Variants in TMCO5A observed in about 807,000 individuals in gnomAD.
The protein encoded by TMCO5A is transmembrane and coiled-coil domain-containing protein 5A.
A neutral mutation model predicts 42.3 loss-of-function variants in TMCO5A; 34 were observed. That is an observed-to-expected ratio of 0.80 (90% CI 0.61 to 1.07). TMCO5A has a LOEUF of 1.07. Among genes scored for constraint, TMCO5A ranks in the 50% least tolerant of loss-of-function variants. TMCO5A has a pLI of 0.00. For synonymous variants in TMCO5A, 131 were observed against 115.6 expected (o/e 1.13, Z -0.86); for missense variants, 357 against 327.9 (o/e 1.09, Z -0.69).
chr15:38,007,872 C>CTTTTTTTTTTTTTTTTTTT, the TMCO5A span, among the ~76,000 whole-genome samples: 2 of 47,406 alleles, frequency 4.2e-5, no homozygotes, highest in African/African-American at 1.6e-4. Context: ...CTCACCCACA[C>CTTTTTTTTTTTTTTTTTTT]TTTTTTTTTT....
chr15:37,999,431 A>G, the TMCO5A span, among the ~76,000 whole-genome samples: 1 of 152,164 alleles, frequency 6.6e-6, no homozygotes, highest in Non-Finnish European at 1.5e-5. Flanking sequence ...ATCTTTTGGC[A>G]GATTTTTTAG....
intron 5 of TMCO5A, 123 bp from the exon 6 acceptor site, chr15:37,938,035 T>C: frequency 1.3e-6 from 1 of 794,242 alleles, no homozygotes; most frequent in South Asian, 1.6e-5. Flanking sequence ...TCACCAAATA[T>C]CTACCAAAGG....
chr15:37,945,333 T>C (rs1889908828), intron 10 of TMCO5A, among the ~76,000 whole-genome samples: 1 of 152,032 alleles, frequency 6.6e-6, no homozygotes, highest in South Asian at 2.1e-4. Flanking sequence ...GCTGCAATGA[T>C]ATTTGTGTGC....
chr15:37,960,088 G>C (rs962174099), intron 11 of TMCO5A, among the ~76,000 whole-genome samples: 4 of 151,884 alleles, frequency 2.6e-5, no homozygotes, highest in Non-Finnish European at 5.9e-5. Context: ...TGATTTGTGA[G>C]ATTCTGGTGC....
chr15:37,949,797 C>T (rs774620681), intron 11 of TMCO5A, among the ~76,000 whole-genome samples: 56 of 152,062 alleles, frequency 3.7e-4, no homozygotes, highest in Non-Finnish European at 6.2e-4. Context: ...CTTCAAAGAA[C>T]AAACATTTAT....
At chr15:38,016,536 C>T in the TMCO5A span, among the ~76,000 whole-genome samples, 9 of 152,148 alleles carry the variant, frequency 5.9e-5, no homozygotes, top group African/African-American at 2.2e-4. Flanking sequence ...GGAGTTCAAT[C>T]TCTGCTCAAA....
chr15:38,000,094 G>GT, the TMCO5A span, among the ~76,000 whole-genome samples: 1 of 152,040 alleles, frequency 6.6e-6, no homozygotes, highest in African/African-American at 2.4e-5. Flanking sequence ...AGTAGAATTG[G>GT]TTTTAGATCA....
chr15:38,005,470 A>G, the TMCO5A span, among the ~76,000 whole-genome samples: 1 of 150,272 alleles, frequency 6.7e-6, no homozygotes, highest in Non-Finnish European at 1.5e-5. Context: ...TAAGAGGCTG[A>G]GACAGGTGTC....
chr15:37,971,495 T>A (rs114609822), downstream of TMCO5A, among the ~76,000 whole-genome samples: 7 of 152,202 alleles, frequency 4.6e-5, no homozygotes, highest in Non-Finnish European at 1.0e-4. Flanking sequence ...GTCTTGGGAA[T>A]TAAGTAATTC....
At chr15:37,935,041 C>A (rs1428850779) in intron 1 of TMCO5A, among the ~76,000 whole-genome samples, 1 of 152,124 alleles carries the variant, frequency 6.6e-6, no homozygotes, top group Non-Finnish European at 1.5e-5. Context: ...CCAGCATTAT[C>A]TCTGTATCCT....
intron 11 of TMCO5A, among the ~76,000 whole-genome samples, chr15:37,960,259 C>T (rs923089390): frequency 3.9e-5 from 6 of 152,088 alleles, no homozygotes; most frequent in African/African-American, 1.4e-4. Flanking sequence ...GCTTAGCTCC[C>T]ACATATCAGT....
the TMCO5A span, among the ~76,000 whole-genome samples, chr15:38,026,484 T>G: frequency 6.6e-6 from 1 of 152,196 alleles, no homozygotes; most frequent in East Asian, 1.9e-4. Flanking sequence ...ACTTGGGTGC[T>G]GTTAAAGGCA....
At chr15:38,010,368 G>A in the TMCO5A span, among the ~76,000 whole-genome samples, 1 of 129,248 alleles carries the variant, frequency 7.7e-6, no homozygotes, top group Non-Finnish European at 1.6e-5. Flanking sequence ...GGGCGACAGA[G>A]CGAGACTCCG....
the TMCO5A span, among the ~76,000 whole-genome samples, chr15:38,018,699 A>C: frequency 6.6e-6 from 1 of 152,128 alleles, no homozygotes; most frequent in South Asian, 2.1e-4. Context: ...GAAATAATAA[A>C]GAAAATTTCC....
chr15:37,975,870 C>G, the TMCO5A span, among the ~76,000 whole-genome samples: 8 of 151,122 alleles, frequency 5.3e-5, no homozygotes, highest in Admixed American at 2.0e-4. Flanking sequence ...TTAGTCTTTC[C>G]TTTCCATATT....
chr15:37,934,860 G>A (rs1889458621), intron 1 of TMCO5A, among the ~76,000 whole-genome samples, 166 bp downstream of exon 1: 1 of 152,122 alleles, frequency 6.6e-6, no homozygotes, highest in Non-Finnish European at 1.5e-5. Context: ...ACTTTTCAGG[G>A]ATATTGTAAA....
chr15:37,956,310 G>A (rs1375794117), downstream of TMCO5A, among the ~76,000 whole-genome samples: 2 of 152,166 alleles, frequency 1.3e-5, no homozygotes, highest in East Asian at 3.9e-4. Context: ...TCCAGGAGGT[G>A]GTTTTTTGAA....
the TMCO5A span, among the ~76,000 whole-genome samples, chr15:37,979,819 C>T: frequency 6.6e-6 from 1 of 152,084 alleles, no homozygotes; most frequent in Non-Finnish European, 1.5e-5. Flanking sequence ...CTACCAGCAC[C>T]CCAGGAGGGG....
the TMCO5A span, among the ~76,000 whole-genome samples, chr15:37,989,064 G>A: frequency 2.0e-5 from 3 of 151,838 alleles, no homozygotes; most frequent in Non-Finnish European, 2.9e-5. Flanking sequence ...TTCAGTCTTG[G>A]TAGGTTTTGT....
Sources: allele counts gnomAD v4.1 joint callset (sites outside exome capture counted in the v4.1 genomes callset), GRCh38; gene constraint gnomAD v4.1.1; transcripts MANE v1.5; gene names NCBI Gene and HGNC (gene_info 2026-07-23, HGNC 2026-07-21).